The following CCDC83 variants were observed in gnomAD, a reference collection of about 807,000 sequenced individuals.
The protein encoded by CCDC83 is coiled-coil domain containing 83, also known as coiled-coil domain-containing protein 83.
Under a neutral mutation model 50.1 loss-of-function variants are expected in CCDC83, and 54 were observed. The observed-to-expected ratio is 1.08, with a 90% CI of 0.87 to 1.35. The LOEUF (loss-of-function observed/expected upper bound fraction) is 1.35. Ranked by LOEUF, CCDC83 falls within the 40% of genes most tolerant of loss-of-function variation. The pLI is 0.00. For synonymous variants in CCDC83, 161 were observed against 153.3 expected (o/e 1.05, Z -0.37); for missense variants, 518 against 473.9 (o/e 1.09, Z -0.86).
intron 3 of CCDC83, among the ~76,000 whole-genome samples, chr11:85,879,211 A>G (rs1236058059): frequency 1.3e-5 from 2 of 152,182 alleles, no homozygotes; most frequent in Admixed American, 6.5e-5. Flanking sequence ...GCCTAGCCCT[A>G]AATCTCAAAG....
chr11:85,871,170 AAAAC>A (rs578198955), intron 2 of CCDC83, among the ~76,000 whole-genome samples: 35 of 148,322 alleles, frequency 2.4e-4, no homozygotes, highest in Admixed American at 4.7e-4. Context: ...CTATTTCAAA[AAAAC>A]AAACAAACAA....
intron 10 of CCDC83, among the ~76,000 whole-genome samples, chr11:85,917,266 GGAAGGAAGGAAA>G (rs144553941): frequency 0.28 from 42,005 of 147,684 alleles, 6,528 homozygotes; most frequent in East Asian, 0.42. Context: ...AAGGAAGGAA[GGAAGGAAGGAAA>G]GAAGGAAGGA....
chr11:85,914,985 C>T (rs756157679), intron 8 of CCDC83, among the ~76,000 whole-genome samples: 5 of 152,270 alleles, frequency 3.3e-5, no homozygotes, highest in South Asian at 4.1e-4. Flanking sequence ...CTCACTAACA[C>T]GAGAACAGCA....
intron 3 of CCDC83, among the ~76,000 whole-genome samples, chr11:85,875,246 G>A (rs1005481680): frequency 1.3e-5 from 2 of 152,210 alleles, no homozygotes; most frequent in African/African-American, 4.8e-5. Flanking sequence ...TGTAAAATAG[G>A]TGAAGGATGA....
intron 8 of CCDC83, among the ~76,000 whole-genome samples, chr11:85,913,983 T>A (rs915600395): frequency 6.6e-6 from 1 of 152,242 alleles, no homozygotes; most frequent in Non-Finnish European, 1.5e-5. Flanking sequence ...TTTAGAAAGA[T>A]CTTAATTGTT....
chr11:85,917,213 A>AGAAAGAAAGAAG lies in CCDC83; in HGVS notation c.1080+991_1080+992insGGAAAGAAAGAA, dbSNP rs1554986946. On this transcript the variant is annotated intron_variant, in intron 10 of 10. Coordinates refer to ENST00000342404, the MANE Select transcript of CCDC83 (RefSeq NM_001286159.2). ...GAAAGAGAAAGAAAGAAAGAAGGAAAGAAAGAAAGAAAGAAAGAAAAGAAA... is the reference window on the plus strand; with the variant it reads ...GAAAGAGAAAGAAAGAAAGAAGGAAAGAAAGAAAGAAGGAAAGAAAGAAAGAAAGAAAAGAAA... Among the ~76,000 whole-genome samples, 488 of 114,282 alleles carry AGAAAGAAAGAAG rather than the reference A, an allele frequency of 4.3e-3. 8 individuals are homozygous for AGAAAGAAAGAAG. Among genetic ancestry groups the AGAAAGAAAGAAG allele is most frequent in the Middle Eastern group, 8.5e-3 (2 of 234 alleles). 75.0% of individuals were successfully genotyped at this position (114,282 alleles called of 152,430 possible). A position where few individuals can be genotyped will look rare whatever the true frequency, so the allele number is the denominator to read the frequency against.
At chr11:85,908,608 T>TAGACAGAC (rs1190770845) in intron 7 of CCDC83, among the ~76,000 whole-genome samples, 5 of 133,178 alleles carry the variant, frequency 3.8e-5, no homozygotes, top group Admixed American at 7.7e-5. Flanking sequence ...GATAGATAGA[T>TAGACAGAC]AGACAGATAG....
intron 6 of CCDC83, among the ~76,000 whole-genome samples, chr11:85,896,550 A>T (rs2093376832): frequency 6.6e-6 from 1 of 152,034 alleles, no homozygotes. Context: ...AACCTGTGAT[A>T]ATGGTTGTAA....
chr11:85,911,792 T>G (rs1167173174), intron 8 of CCDC83, among the ~76,000 whole-genome samples: 1 of 152,140 alleles, frequency 6.6e-6, no homozygotes. Flanking sequence ...GGAAGTTTCA[T>G]GGAGGTGATC....
chr11:85,873,312 G>T lies in CCDC83; in HGVS notation c.180+17G>T, dbSNP rs775411167. On this transcript the variant is annotated intron_variant, in intron 3 of 10. Transcript: ENST00000342404. ...CATGAAAGAGTGAGTATAAAATTTA[G>T]AACCTATATATAGTCATTAAATATT... is the stretch of plus-strand genomic sequence containing the variant. 1.8e-6 allele frequency: 2 copies of T among 1,114,248 alleles called. No individual in the cohort carries two copies. The highest frequency in any genetic ancestry group is 1.6e-5 in the African/African-American group (1 of 62,944). 69.0% of individuals were successfully genotyped at this position (1,114,248 alleles called of 1,614,324 possible).
intron 7 of CCDC83, among the ~76,000 whole-genome samples, chr11:85,909,058 C>G (rs892785197): frequency 6.6e-6 from 1 of 152,170 alleles, no homozygotes; most frequent in Non-Finnish European, 1.5e-5. Context: ...CTCAGTCTCT[C>G]AAGTAGTGGG....
intron 1 of CCDC83, among the ~76,000 whole-genome samples, chr11:85,863,666 C>T (rs989718943): frequency 2.6e-5 from 4 of 152,176 alleles, no homozygotes; most frequent in Non-Finnish European, 4.4e-5. Context: ...ACAAGTTTCT[C>T]CACTTTGGAG....
Position 85,856,257 on chromosome 11 carries a change from A to T in CCDC83, c.-29+673A>T, listed in dbSNP as rs1326298749. Among the ~76,000 whole-genome samples the T allele has an allele frequency of 3.3e-5, 5 of 151,710 alleles. No homozygotes were observed. In the East Asian group the frequency reaches 9.7e-4, roughly 29 times the overall value. On this transcript the variant is annotated intron_variant, in intron 1 of 10. Transcript: ENST00000342404. ...GGGGAAAAATAATGACTGGGTATTT[A>T]TCAGTCTATGTGATAATTGCTCATG...
chr11:85,908,320 G>A (rs1384265564), intron 7 of CCDC83, among the ~76,000 whole-genome samples: 1 of 152,032 alleles, frequency 6.6e-6, no homozygotes, highest in African/African-American at 2.4e-5. Flanking sequence ...CCCATAATAA[G>A]AATTTATGGC....
At chr11:85,865,044 T>C (rs2093199044) in intron 1 of CCDC83, 52 bp from the exon 2 acceptor site, 1 of 888,858 alleles carries the variant, frequency 1.1e-6, no homozygotes, top group Admixed American at 1.9e-5. Flanking sequence ...TAAACAAAAG[T>C]AGGGAGGCAA....
intron 3 of CCDC83, among the ~76,000 whole-genome samples, chr11:85,876,037 C>A (rs1328482926): frequency 6.6e-6 from 1 of 152,154 alleles, no homozygotes; most frequent in Non-Finnish European, 1.5e-5. Context: ...TTACCTCTCA[C>A]CTCTCCAGCA....
intron 1 of CCDC83, among the ~76,000 whole-genome samples, chr11:85,860,120 C>G (rs1338089923): frequency 6.6e-6 from 1 of 151,872 alleles, no homozygotes; most frequent in African/African-American, 2.4e-5. Context: ...AACCCCGACT[C>G]TACTAAAAAT....
chr11:85,883,645 CT>C (rs1035633628), intron 4 of CCDC83, among the ~76,000 whole-genome samples: 4 of 152,140 alleles, frequency 2.6e-5, no homozygotes, highest in Admixed American at 2.0e-4. Flanking sequence ...TCTAGGACCA[CT>C]TTTGCCAAAA....
At chr11:85,875,260 C>T (rs773789708) in intron 3 of CCDC83, among the ~76,000 whole-genome samples, 1 of 152,160 alleles carries the variant, frequency 6.6e-6, no homozygotes, top group Non-Finnish European at 1.5e-5. Context: ...AGGATGAGGA[C>T]CAATCAGAGG....
Sources: gnomAD v4.1 joint callset for allele counts (sites outside exome capture counted in the v4.1 genomes callset) on GRCh38, gnomAD v4.1.1 for gene constraint, MANE v1.5 for transcripts, NCBI Gene and HGNC (gene_info 2026-07-23, HGNC 2026-07-21) for gene names.